SNTG1: variants seen among roughly 807,000 people sequenced by gnomAD.
The protein encoded by SNTG1 is syntrophin gamma 1.
Under a neutral mutation model 74.7 loss-of-function variants are expected in SNTG1, and 39 were observed. The ratio of observed to expected loss-of-function variants is 0.52; its 90% CI spans 0.40 to 0.68. The LOEUF (loss-of-function observed/expected upper bound fraction) is 0.68. Among genes scored for constraint, SNTG1 ranks in the 30% least tolerant of loss-of-function variants. The pLI, the probability that SNTG1 is intolerant of heterozygous loss-of-function variation, is 0.00. For missense variants in SNTG1, 685 were observed against 609.5 expected (o/e 1.12, Z -1.30); for synonymous variants, 254 against 217.1 (o/e 1.17, Z -1.49).
chr8:50,774,669 TAA>T (rs889445381), intron 18 of SNTG1, among the ~76,000 whole-genome samples: 46 of 151,810 alleles, frequency 3.0e-4, no homozygotes, highest in African/African-American at 8.9e-4. Context: ...TAATTCAATA[TAA>T]GTGACAGTAT....
At chr8:50,297,444 C>G (rs1302746588) in intron 2 of SNTG1, among the ~76,000 whole-genome samples, 2 of 152,040 alleles carry the variant, frequency 1.3e-5, no homozygotes, top group Non-Finnish European at 1.5e-5. Flanking sequence ...CTTATTGAGT[C>G]AAGAAGTCAC....
At chr8:50,345,244 A>G (rs921551609) in intron 2 of SNTG1, among the ~76,000 whole-genome samples, 11 of 152,224 alleles carry the variant, frequency 7.2e-5, no homozygotes, top group Admixed American at 2.0e-4. Flanking sequence ...TAGACATGAC[A>G]GGCCCTCCTG....
intron 2 of SNTG1, among the ~76,000 whole-genome samples, chr8:50,247,623 A>C (rs1390473952): frequency 6.6e-6 from 1 of 152,054 alleles, no homozygotes; most frequent in African/African-American, 2.4e-5. Flanking sequence ...CTCCTGCCTC[A>C]GCCTCCTGAG....
intron 2 of SNTG1, among the ~76,000 whole-genome samples, chr8:50,229,824 G>A (rs1164617056): frequency 2.6e-5 from 4 of 151,298 alleles, no homozygotes; most frequent in Non-Finnish European, 5.9e-5. Flanking sequence ...GAAAAATTAC[G>A]TTTTGGGCAA....
intron 2 of SNTG1, among the ~76,000 whole-genome samples, chr8:50,302,923 T>C (rs2089716362): frequency 6.6e-6 from 1 of 152,204 alleles, no homozygotes; most frequent in South Asian, 2.1e-4. Flanking sequence ...GTTTTATCAT[T>C]GCTGCTGTAG....
intron 2 of SNTG1, among the ~76,000 whole-genome samples, chr8:50,198,791 T>A (rs2083875317): frequency 6.6e-6 from 1 of 152,210 alleles, no homozygotes; most frequent in Non-Finnish European, 1.5e-5. Flanking sequence ...CAATACACTA[T>A]GATCTTGGAC....
intron 4 of SNTG1, among the ~76,000 whole-genome samples, chr8:50,424,458 G>A (rs994307498): frequency 2.0e-5 from 3 of 152,242 alleles, no homozygotes; most frequent in Admixed American, 1.3e-4. Context: ...ACCATGCATG[G>A]ATGAGTGACG....
intron 13 of SNTG1, among the ~76,000 whole-genome samples, chr8:50,592,960 TATG>T (rs564323884): frequency 9.9e-4 from 151 of 152,312 alleles, no homozygotes; most frequent in African/African-American, 3.1e-3. Flanking sequence ...CACTGCACAG[TATG>T]ATAACAACGC....
intron 1 of SNTG1, among the ~76,000 whole-genome samples, chr8:50,067,995 C>T (rs1388255387): frequency 6.6e-6 from 1 of 152,040 alleles, no homozygotes; most frequent in African/African-American, 2.4e-5. Flanking sequence ...CCAGGCACAC[C>T]CAAACATTCC....
chr8:50,677,972 G>A (rs772419248), intron 15 of SNTG1, among the ~76,000 whole-genome samples: 34 of 151,824 alleles, frequency 2.2e-4, no homozygotes, highest in Non-Finnish European at 4.1e-4. Context: ...ACACCAGGGC[G>A]TGTGGGGAGA....
intron 4 of SNTG1, among the ~76,000 whole-genome samples, chr8:50,407,789 A>T (rs2092898322): frequency 6.6e-6 from 1 of 152,200 alleles, no homozygotes; most frequent in African/African-American, 2.4e-5. Flanking sequence ...AAATTTGAAG[A>T]CTAGCGTTTT....
At chr8:50,505,482 C>A (rs2093998408) in intron 9 of SNTG1, among the ~76,000 whole-genome samples, 1 of 152,088 alleles carries the variant, frequency 6.6e-6, no homozygotes, top group Non-Finnish European at 1.5e-5. Context: ...TCTACATATC[C>A]TCACCAGCAC....
At chr8:50,520,374 G>A (rs2094169530) in intron 9 of SNTG1, among the ~76,000 whole-genome samples, 1 of 152,164 alleles carries the variant, frequency 6.6e-6, no homozygotes, top group Non-Finnish European at 1.5e-5. Context: ...TCAGGGCATA[G>A]GCATGGGCAA....
At chr8:50,284,167 T>C (rs1034170204) in intron 2 of SNTG1, among the ~76,000 whole-genome samples, 3 of 152,128 alleles carry the variant, frequency 2.0e-5, no homozygotes, top group African/African-American at 7.2e-5. Flanking sequence ...TTTATTGTTT[T>C]ATTAGAATTT....
chr8:50,257,140 G>A (rs1046399109), intron 2 of SNTG1, among the ~76,000 whole-genome samples: 1 of 152,064 alleles, frequency 6.6e-6, no homozygotes, highest in African/African-American at 2.4e-5. Flanking sequence ...GGCTTGTGCA[G>A]CAGGAGCTCT....
chr8:50,433,869 A>C (rs1458124642), intron 4 of SNTG1, among the ~76,000 whole-genome samples: 1 of 152,212 alleles, frequency 6.6e-6, no homozygotes, highest in Non-Finnish European at 1.5e-5. Flanking sequence ...GAGAGCTATA[A>C]GTACACATAG....
At chr8:50,015,761 T>G (rs72639837) in intron 1 of SNTG1, among the ~76,000 whole-genome samples, 1,986 of 152,266 alleles carry the variant, frequency 0.013, 16 homozygotes, top group Non-Finnish European at 0.021. Context: ...ACAAGTCAGT[T>G]TGTTTATTCC....
At chr8:50,147,293 T>C (rs1325646294) in intron 1 of SNTG1, among the ~76,000 whole-genome samples, 1 of 152,172 alleles carries the variant, frequency 6.6e-6, no homozygotes, top group Non-Finnish European at 1.5e-5. Context: ...AACTATATTA[T>C]AAATGTATAA....
chr8:50,348,178 T>A (rs1288068964), intron 2 of SNTG1, among the ~76,000 whole-genome samples: 1 of 152,204 alleles, frequency 6.6e-6, no homozygotes, highest in Non-Finnish European at 1.5e-5. Context: ...TCTAAGTATT[T>A]GCATTTCCAA....
Sources: gnomAD v4.1 joint callset for allele counts (sites outside exome capture counted in the v4.1 genomes callset) on GRCh38, gnomAD v4.1.1 for gene constraint, MANE v1.5 for transcripts, NCBI Gene and HGNC (gene_info 2026-07-23, HGNC 2026-07-21) for gene names.